Variants in PTPRM observed in about 807,000 individuals in gnomAD.
PTPRM encodes protein tyrosine phosphatase receptor type M, also known as receptor-type tyrosine-protein phosphatase mu.
PTPRM carries 47 observed loss-of-function variants against 186.7 expected under a neutral mutation model. The ratio of observed to expected loss-of-function variants is 0.25; its 90% CI spans 0.20 to 0.32. The LOEUF (loss-of-function observed/expected upper bound fraction) is 0.32. Among genes scored for constraint, PTPRM ranks in the 10% least tolerant of loss-of-function variants. The probability of loss-of-function intolerance (pLI) is 1.00; values close to 1 mark genes in which losing one functional copy is unlikely to be tolerated. For missense variants in PTPRM, 1,494 were observed against 1,865.0 expected, an observed-to-expected ratio of 0.80 and a Z score of 3.66; for synonymous variants, 668 against 674.9, an observed-to-expected ratio of 0.99 and a Z score of 0.16.
chr18:8,387,471 A>G (rs1247249772), intron 31 of PTPRM, among the ~76,000 whole-genome samples: 2 of 149,704 alleles, frequency 1.3e-5, no homozygotes, highest in African/African-American at 5.0e-5. Flanking sequence ...CCGTTTCATT[A>G]GGACCCCTGC....
In PTPRM at chr18:8,353,809, C is replaced by T. The variant is rs151061089; in HGVS notation, c.3054+10289C>T. Among the ~76,000 whole-genome samples the T allele has an allele frequency of 2.0e-4, 31 of 152,300 alleles. 1 individual carries two copies. The highest frequency in any genetic ancestry group is 6.5e-4 in the Admixed American group (10 of 15,302). On this transcript the variant is annotated intron_variant, in intron 23 of 32. Coordinates refer to ENST00000580170, the MANE Select transcript of PTPRM (RefSeq NM_001105244.2). Reference sequence around the variant, plus strand: ...ACAGAAACAAACTATGAAATATTAGCGTCCCCCTTTATTCACAAGCATCTA... The same window carrying T: ...ACAGAAACAAACTATGAAATATTAGTGTCCCCCTTTATTCACAAGCATCTA...
chr18:7,909,581 G>A (rs1275592509), intron 4 of PTPRM, among the ~76,000 whole-genome samples: 1 of 152,072 alleles, frequency 6.6e-6, no homozygotes, highest in Non-Finnish European at 1.5e-5. Flanking sequence ...TTCTTATCAG[G>A]ATTTCATAAT....
intron 5 of PTPRM, among the ~76,000 whole-genome samples, chr18:7,945,614 A>G (rs1305102570): frequency 6.6e-6 from 1 of 152,250 alleles, no homozygotes. Context: ...TAAGCAACAG[A>G]AAACAGACTA....
intron 14 of PTPRM, among the ~76,000 whole-genome samples, chr18:8,183,138 G>C (rs2093599095): frequency 6.6e-6 from 1 of 152,088 alleles, no homozygotes; most frequent in Admixed American, 6.6e-5. Flanking sequence ...GTAAGTCATG[G>C]ACTTCCTCGT....
At chr18:7,871,310 T>A (rs2047972033) in intron 2 of PTPRM, among the ~76,000 whole-genome samples, 3 of 152,244 alleles carry the variant, frequency 2.0e-5, no homozygotes, top group South Asian at 4.1e-4. Context: ...CATTTGTGTG[T>A]GCTCTACAGT....
At chr18:7,927,594 T>C (rs547177390) in intron 5 of PTPRM, among the ~76,000 whole-genome samples, 1 of 152,280 alleles carries the variant, frequency 6.6e-6, no homozygotes, top group Non-Finnish European at 1.5e-5. Context: ...CGCTCCATCA[T>C]GTGTGCTGGC....
intron 7 of PTPRM, among the ~76,000 whole-genome samples, chr18:8,033,635 G>T (rs1378084526): frequency 6.6e-6 from 1 of 152,160 alleles, no homozygotes; most frequent in East Asian, 1.9e-4. Flanking sequence ...GTAATCTTAT[G>T]GGACCACTGT....
chr18:7,794,157 G>A (rs542588044), intron 2 of PTPRM, among the ~76,000 whole-genome samples: 6 of 152,234 alleles, frequency 3.9e-5, no homozygotes, highest in African/African-American at 9.6e-5. Context: ...TGATTCTTCC[G>A]GTACACTAAG....
intron 31 of PTPRM, among the ~76,000 whole-genome samples, chr18:8,393,037 A>G (rs551463189): frequency 1.7e-4 from 26 of 152,322 alleles, no homozygotes; most frequent in African/African-American, 5.8e-4. Flanking sequence ...AGATCCACCA[A>G]CGGATGCTCA....
intron 4 of PTPRM, among the ~76,000 whole-genome samples, chr18:7,920,893 A>T (rs979107156): frequency 4.1e-4 from 63 of 152,018 alleles, no homozygotes; most frequent in Non-Finnish European, 7.9e-4. Flanking sequence ...ATGGCAATTT[A>T]AAAAAAATTT....
At chr18:7,629,845 G>T (rs2038150666) in intron 1 of PTPRM, among the ~76,000 whole-genome samples, 1 of 152,116 alleles carries the variant, frequency 6.6e-6, no homozygotes, top group Non-Finnish European at 1.5e-5. Flanking sequence ...GAAGAGAATG[G>T]ACTTAAAAAT....
intron 14 of PTPRM, among the ~76,000 whole-genome samples, chr18:8,238,306 CTT>C (rs1187373293): frequency 6.6e-6 from 1 of 151,860 alleles, no homozygotes; most frequent in East Asian, 1.9e-4. Context: ...TTGTTTTTGT[CTT>C]TTTTCTCTTT....
rs141645769 is a variant in PTPRM, at chr18:8,186,703, C to T, written c.2300+42924C>T. On this transcript the variant is annotated intron_variant, in intron 14 of 32. Transcript: ENST00000580170. ...ATGTCTGTCCAGCCACTGTGTTGCA[C>T]TCATGTGTCAGGCACAGCGCAAGGT... is the stretch of plus-strand genomic sequence containing the variant. Among the ~76,000 whole-genome samples, 250 of 152,316 alleles carry T rather than the reference C, an allele frequency of 1.6e-3. 1 individual carries two copies. Among genetic ancestry groups the T allele is most frequent in the African/African-American group, 5.5e-3 (230 of 41,562 alleles).
At chr18:7,729,766 A>G (rs2040620105) in intron 1 of PTPRM, among the ~76,000 whole-genome samples, 1 of 152,172 alleles carries the variant, frequency 6.6e-6, no homozygotes, top group African/African-American at 2.4e-5. Context: ...TTTTTAGGAT[A>G]CTTTTAACTT....
Position 8,406,157 on chromosome 18 carries a change from G to A in PTPRM, c.4393G>A (p.Gly1465Ser). The A allele has an allele frequency of 6.2e-7, 1 of 1,613,996 alleles. No individual in the cohort carries two copies. Residue 1465 changes from glycine (G) to serine (S), a missense_variant, in exon 33 of 33, where the codon GGC becomes AGC. Gly to Ser is a moderately conservative substitution (Grantham distance 56). This residue lies in a region of PTPRM where 1,107 missense variants were observed against 1,350.2 expected (regional missense o/e 0.82). Transcript: ENST00000580170. ...GGTGGCCCTGGAATACTTGAATTCT[G>A]GCTGATGGTGTAAACAGCTCTGCAA... is the stretch of plus-strand genomic sequence containing the variant. ...YEVALEYLNS[G>S]
chr18:8,043,200 C>T (rs913801583), intron 7 of PTPRM, among the ~76,000 whole-genome samples: 2 of 152,186 alleles, frequency 1.3e-5, no homozygotes, highest in African/African-American at 4.8e-5. Flanking sequence ...CAGATCCTAA[C>T]TTATTAGCCC....
intron 2 of PTPRM, among the ~76,000 whole-genome samples, chr18:7,879,417 T>C: frequency 6.6e-6 from 1 of 152,202 alleles, no homozygotes; most frequent in Non-Finnish European, 1.5e-5. Context: ...ACTTAAAATA[T>C]GATATACAAC....
chr18:7,717,790 G>A (rs115158646), intron 1 of PTPRM, among the ~76,000 whole-genome samples: 1 of 152,204 alleles, frequency 6.6e-6, no homozygotes, highest in African/African-American at 2.4e-5. Flanking sequence ...GCTGGTTCCA[G>A]CACCCACTCA....
chr18:8,249,674 C>T (rs1278052823), intron 17 of PTPRM, among the ~76,000 whole-genome samples: 1 of 152,164 alleles, frequency 6.6e-6, no homozygotes, highest in East Asian at 1.9e-4. Flanking sequence ...AGAAAATGTT[C>T]AGATTTCACA....
Sources: allele counts gnomAD v4.1 joint callset (sites outside exome capture counted in the v4.1 genomes callset), GRCh38; gene constraint gnomAD v4.1.1; regional missense constraint gnomAD v4.1.1; transcripts MANE v1.5; gene names NCBI Gene and HGNC (gene_info 2026-07-23, HGNC 2026-07-21).